PRORP: variants seen among roughly 807,000 people sequenced by gnomAD.
PRORP encodes protein only RNase P catalytic subunit, also known as mitochondrial ribonuclease P catalytic subunit.
PRORP carries 51 observed loss-of-function variants against 59.4 expected under a neutral mutation model. That is an observed-to-expected ratio of 0.86 (90% CI 0.69 to 1.08). PRORP has a LOEUF of 1.08. Ranked by LOEUF, PRORP falls within the 50% of genes least tolerant of loss-of-function variation. PRORP has a pLI of 0.00. For missense variants in PRORP, 646 were observed against 690.3 expected (o/e 0.94, Z 0.72); for synonymous variants, 231 against 245.6 (o/e 0.94, Z 0.55).
chr14:35,256,007 T>C (rs570664103), intron 5 of PRORP, among the ~76,000 whole-genome samples: 11 of 152,020 alleles, frequency 7.2e-5, no homozygotes, highest in African/African-American at 2.6e-4. Context: ...TTTATCAGGC[T>C]GGGCGCAGTG....
At chr14:35,163,482 A>G (rs1158293251) in intron 4 of PRORP, among the ~76,000 whole-genome samples, 1 of 152,022 alleles carries the variant, frequency 6.6e-6, no homozygotes, top group Non-Finnish European at 1.5e-5. Flanking sequence ...ATGGCATCTT[A>G]TTGTGCTTTT....
Position 35,206,228 on chromosome 14 carries a change from C to CT in PRORP, c.1275+25452dup, listed in dbSNP as rs1160099613. Among the ~76,000 whole-genome samples the CT allele has an allele frequency of 2.6e-5, 4 of 152,244 alleles. No individual in the cohort carries two copies. In the East Asian group the frequency reaches 5.8e-4, roughly 22 times the overall value. The stretch of plus-strand genomic sequence containing the variant: ...TGTCCCTTTTGATCCTCTAGTCTTT[C>CT]TGGTGAAGAAGGTTTGTTTTTCATA... On this transcript the variant is annotated intron_variant, in intron 5 of 7. Transcript: ENST00000534898.
intron 5 of PRORP, chr14:35,235,515 G>A (rs754807964): frequency 6.7e-6 from 4 of 596,160 alleles, no homozygotes; most frequent in Admixed American, 4.3e-5. Flanking sequence ...GTCACCACCA[G>A]CTGAGCCTTC....
At chr14:35,272,970 T>C (rs868284069) in intron 7 of PRORP, among the ~76,000 whole-genome samples, 3 of 152,348 alleles carry the variant, frequency 2.0e-5, no homozygotes, top group East Asian at 3.9e-4. Flanking sequence ...TTCTGTATCT[T>C]TTAGGGAATA....
At chr14:35,152,819 C>G (rs1407327807) in intron 4 of PRORP, among the ~76,000 whole-genome samples, 1 of 150,886 alleles carries the variant, frequency 6.6e-6, no homozygotes, top group Non-Finnish European at 1.5e-5. Context: ...GCGCTCCCCA[C>G]ATCTCAGACG....
intron 5 of PRORP, among the ~76,000 whole-genome samples, chr14:35,205,346 T>A (rs2139145651): frequency 6.6e-6 from 1 of 152,290 alleles, no homozygotes; most frequent in South Asian, 2.1e-4. Context: ...CATGCTTAGA[T>A]AATTTTTTTG....
chr14:35,199,292 A>C (rs2049086752), intron 5 of PRORP, among the ~76,000 whole-genome samples: 1 of 149,280 alleles, frequency 6.7e-6, no homozygotes, highest in Non-Finnish European at 1.5e-5. Flanking sequence ...CCGAGATTGC[A>C]CCACTGCACT....
chr14:35,192,307 T>C (rs1452779036), intron 5 of PRORP, among the ~76,000 whole-genome samples: 1 of 152,232 alleles, frequency 6.6e-6, no homozygotes, highest in African/African-American at 2.4e-5. Context: ...CTCAAAGGTC[T>C]TTCTTGATTC....
chr14:35,133,178 C>G (rs763571509), intron 4 of PRORP, among the ~76,000 whole-genome samples: 1 of 152,142 alleles, frequency 6.6e-6, no homozygotes, highest in Non-Finnish European at 1.5e-5. Flanking sequence ...CTTGGCCTCC[C>G]AAAGTGATGG....
intron 5 of PRORP, among the ~76,000 whole-genome samples, chr14:35,232,214 G>A (rs897527843): frequency 6.7e-6 from 1 of 148,406 alleles, no homozygotes; most frequent in African/African-American, 2.5e-5. Context: ...TTTCATTTTG[G>A]AGTTTTTTTG....
intron 4 of PRORP, among the ~76,000 whole-genome samples, chr14:35,146,118 G>A (rs900634857): frequency 7.9e-5 from 12 of 151,890 alleles, no homozygotes; most frequent in African/African-American, 2.4e-4. Context: ...GGTGTGAGCC[G>A]CCGCACTCAG....
intron 5 of PRORP, among the ~76,000 whole-genome samples, chr14:35,214,086 A>G (rs1308150108): frequency 6.6e-6 from 1 of 152,238 alleles, no homozygotes; most frequent in Non-Finnish European, 1.5e-5. Flanking sequence ...CACATTCTTT[A>G]TTCATCACTT....
At chr14:35,226,883 C>T (rs2049949091) in intron 5 of PRORP, among the ~76,000 whole-genome samples, 1 of 151,838 alleles carries the variant, frequency 6.6e-6, no homozygotes, top group Non-Finnish European at 1.5e-5. Flanking sequence ...TAGAGACATG[C>T]ACTAACACAC....
rs1021683995 is a variant in PRORP at position 35,178,846 on chromosome 14, T to G, written c.1168-1824T>G. Among the ~76,000 whole-genome samples the G allele has an allele frequency of 3.9e-5, 6 of 152,242 alleles. No individual in the cohort carries two copies. The East Asian group carries it at 1.2e-3, about 29-fold the overall frequency. On this transcript the variant is annotated intron_variant, in intron 4 of 7. Coordinates refer to ENST00000534898, the MANE Select transcript of PRORP (RefSeq NM_014672.4). The stretch of plus-strand genomic sequence containing the variant: ...GTTTCTTCCTAGCATCGATGGTCTT[T>G]ACGTTTTGGCATGTTTTTGCAGTGG...
intron 5 of PRORP, among the ~76,000 whole-genome samples, chr14:35,188,107 T>C (rs945249086): frequency 6.6e-6 from 1 of 151,550 alleles, no homozygotes; most frequent in Admixed American, 6.6e-5. Context: ...GTGGGGCTTA[T>C]GGGCATGAGC....
At chr14:35,192,107 T>A (rs1282142348) in intron 5 of PRORP, among the ~76,000 whole-genome samples, 1 of 152,190 alleles carries the variant, frequency 6.6e-6, no homozygotes, top group African/African-American at 2.4e-5. Context: ...ATAGTAACTC[T>A]CATTATCTGG....
chr14:35,147,117 T>C (rs747034653), intron 4 of PRORP, among the ~76,000 whole-genome samples: 2 of 152,094 alleles, frequency 1.3e-5, no homozygotes, highest in African/African-American at 2.4e-5. Flanking sequence ...ACAAAACTTA[T>C]CTTTCCACTA....
chr14:35,126,118 C>A (rs531575344), intron 2 of PRORP, among the ~76,000 whole-genome samples: 1 of 151,992 alleles, frequency 6.6e-6, no homozygotes, highest in African/African-American at 2.4e-5. Context: ...ACAGGGAGAT[C>A]TGCGTGAATA....
intron 4 of PRORP, among the ~76,000 whole-genome samples, chr14:35,130,072 C>T (rs2047200752): frequency 6.7e-6 from 1 of 148,876 alleles, no homozygotes; most frequent in African/African-American, 2.5e-5. Flanking sequence ...GCTCTGTTGC[C>T]TAGGCTGGGG....
Sources: allele counts gnomAD v4.1 joint callset (sites outside exome capture counted in the v4.1 genomes callset), GRCh38; gene constraint gnomAD v4.1.1; transcripts MANE v1.5; gene names NCBI Gene and HGNC (gene_info 2026-07-23, HGNC 2026-07-21).